ROBO2: variants seen among roughly 807,000 people sequenced by gnomAD.
ROBO2 encodes the protein roundabout homolog 2.
Under a neutral mutation model 160.8 loss-of-function variants are expected in ROBO2, and 53 were observed. That is an observed-to-expected ratio of 0.33 (90% CI 0.26 to 0.41). The LOEUF (loss-of-function observed/expected upper bound fraction) is 0.41. Among genes scored for constraint, ROBO2 ranks in the 10% least tolerant of loss-of-function variants. The pLI, the probability that ROBO2 is intolerant of heterozygous loss-of-function variation, is 1.00. For missense variants in ROBO2, 1,577 were observed against 1,722.4 expected, an observed-to-expected ratio of 0.92 and a Z score of 1.49; for synonymous variants, 664 against 611.7, an observed-to-expected ratio of 1.09 and a Z score of -1.26.
intron 2 of ROBO2, among the ~76,000 whole-genome samples, chr3:76,827,275 T>A (rs970515883): frequency 7.9e-5 from 12 of 152,158 alleles, no homozygotes; most frequent in African/African-American, 2.9e-4. Flanking sequence ...TGTTTCAGAT[T>A]TTTCTACTAC....
intron 2 of ROBO2, among the ~76,000 whole-genome samples, chr3:77,381,976 G>A (rs981001290): frequency 7.0e-6 from 1 of 143,754 alleles, no homozygotes; most frequent in Non-Finnish European, 1.5e-5. Flanking sequence ...CTAGGAGAAT[G>A]CATTTTCAAT....
chr3:77,528,532 C>T (rs2091380872), intron 6 of ROBO2, among the ~76,000 whole-genome samples: 1 of 151,638 alleles, frequency 6.6e-6, no homozygotes, highest in Non-Finnish European at 1.5e-5. Flanking sequence ...ATCTGACTTT[C>T]TGATCTGGTG....
At chr3:76,821,657 A>G (rs2066129941) in intron 2 of ROBO2, among the ~76,000 whole-genome samples, 1 of 151,904 alleles carries the variant, frequency 6.6e-6, no homozygotes, top group African/African-American at 2.4e-5. Context: ...ACATAATAAT[A>G]AATAATAAAA....
chr3:76,733,710 AAAT>A (rs1180890844), intron 2 of ROBO2, among the ~76,000 whole-genome samples: 1 of 152,212 alleles, frequency 6.6e-6, no homozygotes, highest in African/African-American at 2.4e-5. Flanking sequence ...GTAAATGAAA[AAAT>A]AATGTTTCAT....
At chr3:76,463,100 T>A (rs1319211460) in intron 2 of ROBO2, among the ~76,000 whole-genome samples, 1 of 152,150 alleles carries the variant, frequency 6.6e-6, no homozygotes, top group Non-Finnish European at 1.5e-5. Context: ...GGGAATAGCA[T>A]GGCCTATATC....
rs368810711 is a variant in ROBO2, at chr3:76,656,616, C to CTTTGTTTTGTTTTGT, written c.110-441385_110-441371dup. The stretch of plus-strand genomic sequence containing the variant: ...TATGGGCACTTGTAAGGTTCATTAC[C>CTTTGTTTTGTTTTGT]TTTGTTTTGTTTTGTTTTGTTTTGT... On this transcript the variant is annotated intron_variant, in intron 2 of 26. Transcript: ENST00000487694. Among the ~76,000 whole-genome samples the CTTTGTTTTGTTTTGT allele has an allele frequency of 5.3e-5, 8 of 151,722 alleles. 1 individual carries two copies. Among genetic ancestry groups the CTTTGTTTTGTTTTGT allele is most frequent in the South Asian group, 4.2e-4 (2 of 4,794 alleles).
intron 5 of ROBO2, among the ~76,000 whole-genome samples, chr3:77,500,443 T>C (rs1376261929): frequency 6.6e-6 from 1 of 152,156 alleles, no homozygotes; most frequent in African/African-American, 2.4e-5. Flanking sequence ...ATTAATTATT[T>C]AAGGATTTGA....
intron 2 of ROBO2, among the ~76,000 whole-genome samples, chr3:77,426,608 C>CGTGTGTGTCTG (rs2078228513): frequency 7.1e-6 from 1 of 140,550 alleles, no homozygotes; most frequent in African/African-American, 2.7e-5. Flanking sequence ...ATGTGTGTGT[C>CGTGTGTGTCTG]TGTGTGTGTG....
intron 2 of ROBO2, among the ~76,000 whole-genome samples, chr3:76,690,848 C>T (rs1394515168): frequency 2.0e-5 from 3 of 151,920 alleles, no homozygotes; most frequent in Admixed American, 6.6e-5. Flanking sequence ...TGAGATTTTT[C>T]CAGGTAGGCA....
At chr3:76,802,727 C>CAAAAA (rs71104621) in intron 2 of ROBO2, among the ~76,000 whole-genome samples, 2 of 103,834 alleles carry the variant, frequency 1.9e-5, no homozygotes, top group Non-Finnish European at 3.7e-5. Flanking sequence ...GACTCCGTCT[C>CAAAAA]AAAAAAAAAA....
chr3:75,950,061 G>A (rs763543666), intron 2 of ROBO2, among the ~76,000 whole-genome samples: 14 of 151,610 alleles, frequency 9.2e-5, no homozygotes, highest in African/African-American at 2.4e-4. Flanking sequence ...ACCTACTTTC[G>A]TCCATTTATT....
chr3:77,242,737 G>C (rs1303320351), intron 2 of ROBO2, among the ~76,000 whole-genome samples: 1 of 151,808 alleles, frequency 6.6e-6, no homozygotes, highest in Non-Finnish European at 1.5e-5. Flanking sequence ...AGGTAGAGGA[G>C]AGAGCAGCTG....
At chr3:77,202,982 A>G (rs1003634238) in intron 2 of ROBO2, among the ~76,000 whole-genome samples, 2 of 152,238 alleles carry the variant, frequency 1.3e-5, no homozygotes, top group African/African-American at 4.8e-5. Context: ...GTAGGAAAAC[A>G]TAATCTCAGC....
chr3:77,390,754 T>C (rs915330058), intron 2 of ROBO2, among the ~76,000 whole-genome samples: 3 of 152,164 alleles, frequency 2.0e-5, no homozygotes, highest in Non-Finnish European at 4.4e-5. Context: ...TTTAAAAACA[T>C]TCAGTGATCG....
chr3:76,569,934 G>A (rs1047113237), intron 2 of ROBO2, among the ~76,000 whole-genome samples: 3 of 152,104 alleles, frequency 2.0e-5, no homozygotes, highest in East Asian at 1.9e-4. Context: ...AGACCAGCCT[G>A]GGCAACATAG....
At chr3:76,349,389 T>C (rs1319376502) in intron 2 of ROBO2, among the ~76,000 whole-genome samples, 1 of 152,092 alleles carries the variant, frequency 6.6e-6, no homozygotes, top group Non-Finnish European at 1.5e-5. Flanking sequence ...ACTTTACATA[T>C]ACTCATTTAG....
intron 2 of ROBO2, among the ~76,000 whole-genome samples, chr3:77,351,962 G>A (rs1048224254): frequency 6.6e-6 from 1 of 151,850 alleles, no homozygotes; most frequent in African/African-American, 2.4e-5. Context: ...TGGGGGCAGG[G>A]GGGAGGGTGA....
chr3:77,120,132 A>G (rs1257640177), intron 2 of ROBO2, among the ~76,000 whole-genome samples: 1 of 152,218 alleles, frequency 6.6e-6, no homozygotes, highest in African/African-American at 2.4e-5. Context: ...TGTTAGCATC[A>G]TGATGACCGA....
chr3:76,243,250 T>A (rs985135299), intron 2 of ROBO2, among the ~76,000 whole-genome samples: 10 of 152,150 alleles, frequency 6.6e-5, no homozygotes, highest in African/African-American at 2.4e-4. Flanking sequence ...TGCTGCAGCT[T>A]CCAGCTCCTT....
Sources: allele counts gnomAD v4.1 joint callset (sites outside exome capture counted in the v4.1 genomes callset), GRCh38; gene constraint gnomAD v4.1.1; transcripts MANE v1.5; gene names NCBI Gene and HGNC (gene_info 2026-07-23, HGNC 2026-07-21).